Variants in PPFIA1 observed in about 807,000 individuals in gnomAD.
PPFIA1 encodes the protein liprin-alpha-1.
A neutral mutation model predicts 149.9 loss-of-function variants in PPFIA1; 25 were observed. The observed-to-expected ratio is 0.17, with a 90% CI of 0.12 to 0.23. The LOEUF (loss-of-function observed/expected upper bound fraction) is 0.23. Ranked by LOEUF, PPFIA1 falls within the 10% of genes least tolerant of loss-of-function variation. The pLI is 1.00. For missense variants in PPFIA1, 1,362 were observed against 1,506.5 expected (o/e 0.90, Z 1.59); for synonymous variants, 549 against 552.8 (o/e 0.99, Z 0.10).
Position 70,346,195 on chromosome 11 carries a change from A to C in PPFIA1, c.1932-1994A>C, listed in dbSNP as rs140218828. On this transcript the variant is annotated intron_variant, in intron 15 of 27. Coordinates refer to ENST00000253925, the MANE Select transcript of PPFIA1 (RefSeq NM_003626.5). ...GGCCTAGGGACACAGCAGTGTGACC[A>C]GGGGGTGCCTGGGATCTACCCTCGG... Among the ~76,000 whole-genome samples, 123 of 152,262 alleles carry C rather than the reference A, an allele frequency of 8.1e-4. 3 individuals are homozygous for C. The East Asian group carries it at 0.018, about 22-fold the overall frequency.
In PPFIA1 at chr11:70,325,993, A is replaced by G. The variant is rs2054255672; in HGVS notation, c.607-269A>G. Among the ~76,000 whole-genome samples the G allele has an allele frequency of 2.0e-5, 3 of 152,010 alleles. 1 individual carries two copies. In the South Asian group the frequency reaches 6.2e-4, roughly 32 times the overall value. ...ACTGTAGTTGTACATATCACATGTT[A>G]CTTATCTTCCCAATTGAGGACCAGC... On this transcript the variant is annotated intron_variant, in intron 5 of 27. Coordinates refer to ENST00000253925, the MANE Select transcript of PPFIA1 (RefSeq NM_003626.5).
At chr11:70,323,253 C>A (rs531808346) in intron 2 of PPFIA1, among the ~76,000 whole-genome samples, 1 of 152,100 alleles carries the variant, frequency 6.6e-6, no homozygotes, top group Non-Finnish European at 1.5e-5. Flanking sequence ...TTAAATGTCA[C>A]CAAACTCGTT....
intron 2 of PPFIA1, among the ~76,000 whole-genome samples, chr11:70,286,761 T>C (rs1254951312): frequency 6.8e-6 from 1 of 147,680 alleles, no homozygotes; most frequent in African/African-American, 2.5e-5. Context: ...TTTCTTTTTT[T>C]TTTTTTTTTT....
intron 2 of PPFIA1, among the ~76,000 whole-genome samples, chr11:70,315,969 C>CA (rs1178307295): frequency 1.3e-5 from 2 of 152,242 alleles, no homozygotes; most frequent in African/African-American, 4.8e-5. Flanking sequence ...AAGTGGAATT[C>CA]TACAGTGTTT....
At chr11:70,299,444 T>C (rs1487964879) in intron 2 of PPFIA1, among the ~76,000 whole-genome samples, 1 of 151,952 alleles carries the variant, frequency 6.6e-6, no homozygotes, top group Non-Finnish European at 1.5e-5. Flanking sequence ...GTGAAAAGAA[T>C]CAAGGGAAAG....
At chr11:70,326,508 A>G in intron 6 of PPFIA1, 89 bp from the exon 7 acceptor site, 1 of 1,310,410 alleles carries the variant, frequency 7.6e-7, no homozygotes, top group Middle Eastern at 1.9e-4. Context: ...TGCATAAGTC[A>G]GTTTTGATTT....
chr11:70,296,632 G>C (rs2052046813), intron 2 of PPFIA1, among the ~76,000 whole-genome samples: 1 of 151,578 alleles, frequency 6.6e-6, no homozygotes, highest in Non-Finnish European at 1.5e-5. Flanking sequence ...GATGGCAGCA[G>C]TACAGTCCAG....
intron 2 of PPFIA1, among the ~76,000 whole-genome samples, chr11:70,298,072 C>G (rs2052204285): frequency 6.6e-6 from 1 of 152,208 alleles, no homozygotes; most frequent in African/African-American, 2.4e-5. Context: ...CCTCTCTGCT[C>G]TGACTTTCCT....
At chr11:70,289,758 G>A (rs11235753) in intron 2 of PPFIA1, among the ~76,000 whole-genome samples, 6,547 of 152,228 alleles carry the variant, frequency 0.043, 518 homozygotes, top group African/African-American at 0.15. Flanking sequence ...CATTACAGGC[G>A]TGGCTCACTG....
At chr11:70,315,742 C>T (rs1256917548) in intron 2 of PPFIA1, among the ~76,000 whole-genome samples, 2 of 127,498 alleles carry the variant, frequency 1.6e-5, no homozygotes, top group Non-Finnish European at 3.1e-5. Flanking sequence ...ACCATCATAA[C>T]CATTTTTAAG....
chr11:70,335,805 TG>T, intron 11 of PPFIA1, 111 bp downstream of exon 11: 1 of 1,272,342 alleles, frequency 7.9e-7, no homozygotes, highest in Non-Finnish European at 1.1e-6. Flanking sequence ...TTACCGAAAA[TG>T]GGAATTATTC....
At chr11:70,326,997 C>A in intron 7 of PPFIA1, 179 bp downstream of exon 7, 1 of 597,810 alleles carries the variant, frequency 1.7e-6, no homozygotes, top group Non-Finnish European at 2.9e-6. Flanking sequence ...GCTACCTCCC[C>A]ATTTTTGTTG....
intron 27 of PPFIA1, among the ~76,000 whole-genome samples, 198 bp from the exon 28 acceptor site, chr11:70,382,805 G>A (rs1275972002): frequency 6.6e-6 from 1 of 152,204 alleles, no homozygotes; most frequent in Non-Finnish European, 1.5e-5. Flanking sequence ...AGTCAGCCAA[G>A]GAGCTGTCTC....
chr11:70,271,128 C>G (rs940694978), intron 1 of PPFIA1: 1 of 151,984 alleles, frequency 6.6e-6, no homozygotes, highest in Non-Finnish European at 1.5e-5. Context: ...CGCGCTGCCC[C>G]TCCCCGAGCC....
At chr11:70,366,036 C>T in intron 21 of PPFIA1, 1 of 441,480 alleles carries the variant, frequency 2.3e-6, no homozygotes, top group African/African-American at 2.0e-5. Flanking sequence ...AGTATGAAAA[C>T]TTGTGTAATC....
intron 16 of PPFIA1, among the ~76,000 whole-genome samples, chr11:70,353,942 G>T (rs1239904680): frequency 6.6e-6 from 1 of 152,174 alleles, no homozygotes; most frequent in Non-Finnish European, 1.5e-5. Context: ...CATTTGTAAC[G>T]ATGTGGTTTA....
intron 16 of PPFIA1, among the ~76,000 whole-genome samples, chr11:70,352,076 G>A (rs955004055): frequency 6.6e-6 from 1 of 152,184 alleles, no homozygotes; most frequent in Non-Finnish European, 1.5e-5. Context: ...TGCAGTGACT[G>A]GACAGCTCTT....
chr11:70,277,387 T>A (rs2050474501), intron 2 of PPFIA1, among the ~76,000 whole-genome samples: 1 of 152,128 alleles, frequency 6.6e-6, no homozygotes. Flanking sequence ...TTTGTACAGT[T>A]AATGTTTATT....
chr11:70,333,676 C>G (rs549505350), intron 10 of PPFIA1, 123 bp downstream of exon 10: 1 of 764,020 alleles, frequency 1.3e-6, no homozygotes, highest in Non-Finnish European at 2.3e-6. Context: ...CAGTTCTGGT[C>G]GCGTGCATTT....
Sources: allele counts gnomAD v4.1 joint callset (sites outside exome capture counted in the v4.1 genomes callset), GRCh38; gene constraint gnomAD v4.1.1; transcripts MANE v1.5; gene names NCBI Gene and HGNC (gene_info 2026-07-23, HGNC 2026-07-21).